Variants in CDH4 observed in about 807,000 individuals in gnomAD.
The protein encoded by CDH4 is cadherin-4.
In CDH4, 33 loss-of-function variants were observed where a neutral mutation model predicts 86.0. The observed-to-expected ratio is 0.38, with a 90% CI of 0.29 to 0.51. The LOEUF is 0.51. Ranked by LOEUF, CDH4 falls within the 20% of genes least tolerant of loss-of-function variation. The pLI, the probability that CDH4 is intolerant of heterozygous loss-of-function variation, is 0.86. For missense variants in CDH4, 1,114 were observed against 1,307.4 expected (o/e 0.85, Z 2.28); for synonymous variants, 555 against 549.4 (o/e 1.01, Z -0.14).
chr20:61,420,905 C>T (rs150157802), intron 2 of CDH4, among the ~76,000 whole-genome samples: 87 of 151,618 alleles, frequency 5.7e-4, no homozygotes, highest in African/African-American at 1.9e-3. Flanking sequence ...CCACGGGGGA[C>T]GATAGGACAG....
At chr20:61,410,708 C>T (rs1033545255) in intron 2 of CDH4, among the ~76,000 whole-genome samples, 1 of 151,768 alleles carries the variant, frequency 6.6e-6, no homozygotes, top group African/African-American at 2.4e-5. Context: ...TCCAGTCATC[C>T]ATCCATTCAT....
intron 4 of CDH4, among the ~76,000 whole-genome samples, chr20:61,812,731 G>A (rs1005174040): frequency 1.3e-5 from 2 of 152,220 alleles, no homozygotes; most frequent in African/African-American, 4.8e-5. Context: ...GGGCTTGGAT[G>A]TGTGCATTTT....
intron 2 of CDH4, among the ~76,000 whole-genome samples, chr20:61,634,143 ACATTT>A (rs1023231419): frequency 1.3e-5 from 2 of 152,156 alleles, no homozygotes; most frequent in African/African-American, 2.4e-5. Context: ...AACGAGTGAC[ACATTT>A]CATGAAAGGG....
intron 2 of CDH4, among the ~76,000 whole-genome samples, chr20:61,666,450 G>A (rs2087325444): frequency 6.6e-6 from 1 of 152,226 alleles, no homozygotes; most frequent in Non-Finnish European, 1.5e-5. Flanking sequence ...CAGTGCACAG[G>A]CATCAATGCT....
chr20:61,461,021 C>T (rs183267959), intron 2 of CDH4, among the ~76,000 whole-genome samples: 52 of 152,264 alleles, frequency 3.4e-4, no homozygotes, highest in African/African-American at 1.3e-3. Context: ...GTTTCCAGGG[C>T]CATTACCAGG....
chr20:61,918,017 C>T (rs994496730), intron 9 of CDH4, among the ~76,000 whole-genome samples: 7 of 152,244 alleles, frequency 4.6e-5, no homozygotes, highest in African/African-American at 1.4e-4. Flanking sequence ...AGCGCTACCA[C>T]GACGTGATGA....
rs188834243 is a variant in CDH4, at chr20:61,627,753, G to A, written c.170-115810G>A. Among the ~76,000 whole-genome samples the A allele has an allele frequency of 7.2e-5, 11 of 152,176 alleles. No individual in the cohort carries two copies. In the East Asian group the frequency reaches 1.9e-3, roughly 27 times the overall value. On this transcript the variant is annotated intron_variant, in intron 2 of 15. Transcript: ENST00000614565. ...TGGTGTCATGCAGGGGTGTCCAGACGGCCTGGTGCAGGATCCCTTTGATGT... is the reference window on the plus strand; with the variant it reads ...TGGTGTCATGCAGGGGTGTCCAGACAGCCTGGTGCAGGATCCCTTTGATGT...
At position 61,928,541 on chromosome 20, in the gene CDH4, C is replaced by G. The variant is rs2055071866; in HGVS notation, c.2005+118C>G. On this transcript the variant is annotated intron_variant, in intron 12 of 15. Transcript: ENST00000614565. ...GGTGGGTGACAGTCCTCCAACAGGA[C>G]TGTCCCACCAAGGCTGGGGACACTG... 1.2e-5 allele frequency: 10 copies of G among 829,816 alleles called. No homozygotes were observed. In the South Asian group the frequency reaches 1.6e-4, roughly 13 times the overall value. 51.4% of individuals were successfully genotyped at this position (829,816 alleles called of 1,614,324 possible).
At chr20:61,561,477 C>G (rs1388506067) in intron 2 of CDH4, among the ~76,000 whole-genome samples, 1 of 152,260 alleles carries the variant, frequency 6.6e-6, no homozygotes, top group African/African-American at 2.4e-5. Flanking sequence ...CCCGTCTCCT[C>G]CAAGTGGCCT....
intron 2 of CDH4, among the ~76,000 whole-genome samples, chr20:61,656,286 C>T (rs1270506008): frequency 4.1e-5 from 4 of 98,590 alleles, no homozygotes; most frequent in African/African-American, 4.6e-5. Flanking sequence ...GGTGGGCAGG[C>T]GCGTGCTGGG....
chr20:61,583,111 C>T (rs973053268), intron 2 of CDH4, among the ~76,000 whole-genome samples: 6 of 135,498 alleles, frequency 4.4e-5, no homozygotes, highest in Non-Finnish European at 9.4e-5. Flanking sequence ...AAGAGGGTAC[C>T]GTGCAACAGA....
At chr20:61,838,168 G>A (rs1367248555) in intron 4 of CDH4, among the ~76,000 whole-genome samples, 3 of 139,292 alleles carry the variant, frequency 2.2e-5, no homozygotes, top group Non-Finnish European at 3.3e-5. Flanking sequence ...CTGTCTGCCT[G>A]TCTCCCCTGC....
chr20:61,486,950 G>C (rs1341293320), intron 2 of CDH4, among the ~76,000 whole-genome samples: 1 of 152,178 alleles, frequency 6.6e-6, no homozygotes, highest in Non-Finnish European at 1.5e-5. Flanking sequence ...GTAGATGCTT[G>C]AAGGGAGGTA....
rs1985040748 is a variant in CDH4, at chr20:61,895,058, C to T, written c.1188+11C>T. On this transcript the variant is annotated intron_variant, in intron 8 of 15. Transcript: ENST00000614565. ...TTTACCGCCAGCACGGTGAGTCCCT[C>T]GAAGCTGCCCAGTGACGCATGGCCC... is the stretch of plus-strand genomic sequence containing the variant. 1 of 1,612,726 alleles carries T rather than the reference C, an allele frequency of 6.2e-7. No individual in the cohort carries two copies. The highest frequency in any genetic ancestry group is 1.7e-5 in the Admixed American group (1 of 59,996).
intron 5 of CDH4, among the ~76,000 whole-genome samples, chr20:61,845,940 A>T (rs1982434516): frequency 6.6e-6 from 1 of 152,260 alleles, no homozygotes; most frequent in African/African-American, 2.4e-5. Context: ...AGGAGGCTGC[A>T]TAGGGGCAGG....
At chr20:61,553,896 CTG>C (rs2086154092) in intron 2 of CDH4, among the ~76,000 whole-genome samples, 1 of 152,204 alleles carries the variant, frequency 6.6e-6, no homozygotes, top group Admixed American at 6.5e-5. Flanking sequence ...GACTCCAGAA[CTG>C]TGAGCTTCAA....
In CDH4 at chr20:61,902,474, C is replaced by T. The variant is rs376392745; in HGVS notation, c.1188+7427C>T. On this transcript the variant is annotated intron_variant, in intron 8 of 15. Coordinates refer to ENST00000614565, the MANE Select transcript of CDH4 (RefSeq NM_001794.5). This position sits in a 1 kb window ranked among gnomAD's most constrained non-coding sequence, Gnocchi z 4.6. ...GATCCACAGAGGAGCGTGCGGGGCC[C>T]CACCTTCCCAGGGATTTGCAGGCAA... is the stretch of plus-strand genomic sequence containing the variant. Among the ~76,000 whole-genome samples the T allele has an allele frequency of 2.0e-5, 3 of 152,372 alleles. No individual in the cohort carries two copies. Among genetic ancestry groups the T allele is most frequent in the African/African-American group, 7.2e-5 (3 of 41,596 alleles).
chr20:61,607,342 TTTCTTTTTAA>T (rs1205012892), intron 2 of CDH4, among the ~76,000 whole-genome samples: 1 of 152,222 alleles, frequency 6.6e-6, no homozygotes, highest in East Asian at 1.9e-4. Flanking sequence ...GCAAATAGAT[TTTCTTTTTAA>T]TTCAGAAAGC....
At chr20:61,538,018 A>C (rs2086010704) in intron 2 of CDH4, among the ~76,000 whole-genome samples, 1 of 152,206 alleles carries the variant, frequency 6.6e-6, no homozygotes, top group Non-Finnish European at 1.5e-5. Context: ...TGTTTGAGCA[A>C]TAGTGAGCCC....
Sources: gnomAD v4.1 joint callset for allele counts (sites outside exome capture counted in the v4.1 genomes callset) on GRCh38, gnomAD v4.1.1 for gene constraint, Gnocchi (gnomAD v3.1) non-coding constraint, MANE v1.5 for transcripts, NCBI Gene and HGNC (gene_info 2026-07-23, HGNC 2026-07-21) for gene names.